The following EBF2 variants were observed in gnomAD, a reference collection of about 807,000 sequenced individuals.
The protein encoded by EBF2 is transcription factor COE2.
In EBF2, 21 loss-of-function variants were observed where a neutral mutation model predicts 72.8. That is an observed-to-expected ratio of 0.29 (90% CI 0.20 to 0.42). The LOEUF (loss-of-function observed/expected upper bound fraction) is 0.42. Ranked by LOEUF, EBF2 falls within the 10% of genes least tolerant of loss-of-function variation. The probability of loss-of-function intolerance (pLI) is 1.00; values close to 1 mark genes in which losing one functional copy is unlikely to be tolerated. For synonymous variants in EBF2, 299 were observed against 274.2 expected (o/e 1.09, Z -0.89); for missense variants, 637 against 731.2 (o/e 0.87, Z 1.49).
At chr8:26,041,336 T>C (rs915562125) in intron 2 of EBF2, 1 of 342,084 alleles carries the variant, frequency 2.9e-6, no homozygotes, top group Non-Finnish European at 5.4e-6. Flanking sequence ...GCTCTGTCTG[T>C]CCTTAGGAAG....
chr8:25,893,271 ATTTTTTT>A (rs201829098), intron 7 of EBF2, among the ~76,000 whole-genome samples: 2 of 111,446 alleles, frequency 1.8e-5, no homozygotes, highest in Non-Finnish European at 1.7e-5. Flanking sequence ...TAATTCTTCC[ATTTTTTT>A]TTTTTTTTTT....
chr8:26,000,769 T>C (rs983780498), intron 6 of EBF2, among the ~76,000 whole-genome samples: 9 of 152,180 alleles, frequency 5.9e-5, no homozygotes, highest in African/African-American at 2.2e-4. Context: ...ATTTGCAAAT[T>C]GTTCTTCCCT....
At chr8:26,001,603 G>T (rs895007954) in intron 6 of EBF2, among the ~76,000 whole-genome samples, 1 of 151,848 alleles carries the variant, frequency 6.6e-6, no homozygotes, top group African/African-American at 2.4e-5. Flanking sequence ...AGGCTGGAGT[G>T]CAATTGTGCG....
intron 5 of EBF2, among the ~76,000 whole-genome samples, chr8:26,039,227 T>C (rs1805559188): frequency 6.6e-6 from 1 of 151,654 alleles, no homozygotes; most frequent in Admixed American, 6.6e-5. Flanking sequence ...TTTTTTAAAC[T>C]TTCTTCTAGT....
intron 6 of EBF2, among the ~76,000 whole-genome samples, chr8:25,995,952 T>G (rs1187986017): frequency 6.6e-6 from 1 of 151,880 alleles, no homozygotes; most frequent in Non-Finnish European, 1.5e-5. Flanking sequence ...TAGCTAGAGA[T>G]TTTAACGTAT....
intron 7 of EBF2, among the ~76,000 whole-genome samples, chr8:25,900,590 T>A (rs1563393965): frequency 6.6e-6 from 1 of 152,154 alleles, no homozygotes; most frequent in Admixed American, 6.5e-5. Flanking sequence ...TTAAAAATGA[T>A]TATTCTGGTG....
At chr8:25,997,431 C>T (rs1804651416) in intron 6 of EBF2, among the ~76,000 whole-genome samples, 3 of 151,908 alleles carry the variant, frequency 2.0e-5, no homozygotes, top group Admixed American at 2.0e-4. Flanking sequence ...ATTAACCAAG[C>T]ATGATGGTGT....
intron 6 of EBF2, among the ~76,000 whole-genome samples, chr8:25,967,441 A>C (rs894813851): frequency 2.0e-5 from 3 of 152,244 alleles, no homozygotes; most frequent in Non-Finnish European, 4.4e-5. Context: ...TTATTACTCT[A>C]AACTACCTTG....
At chr8:25,940,160 G>A (rs781373684) in intron 6 of EBF2, among the ~76,000 whole-genome samples, 5 of 152,190 alleles carry the variant, frequency 3.3e-5, no homozygotes, top group Non-Finnish European at 7.4e-5. Context: ...AGACCTTAAG[G>A]AAAAAGAGAT....
At chr8:25,922,269 A>T (rs1325591878) in intron 6 of EBF2, among the ~76,000 whole-genome samples, 2 of 152,072 alleles carry the variant, frequency 1.3e-5, no homozygotes, top group Non-Finnish European at 2.9e-5. Context: ...AAAACAAACA[A>T]AAAAAACACC....
intron 6 of EBF2, among the ~76,000 whole-genome samples, chr8:26,025,647 G>T (rs1323936385): frequency 6.6e-6 from 1 of 152,028 alleles, no homozygotes; most frequent in African/African-American, 2.4e-5. Context: ...TTACCACTTG[G>T]CTCCAGTGTC....
At chr8:25,939,198 G>T (rs1803628775) in intron 6 of EBF2, among the ~76,000 whole-genome samples, 1 of 152,100 alleles carries the variant, frequency 6.6e-6, no homozygotes, top group Non-Finnish European at 1.5e-5. Flanking sequence ...TCTTTTCTTA[G>T]TTCCTTTCTT....
intron 6 of EBF2, among the ~76,000 whole-genome samples, chr8:25,934,586 ACTG>A (rs199770843): frequency 6.6e-6 from 1 of 152,182 alleles, no homozygotes; most frequent in East Asian, 1.9e-4. Flanking sequence ...AGTCGAGTTT[ACTG>A]CTAATAGAGG....
intron 6 of EBF2, among the ~76,000 whole-genome samples, chr8:25,958,136 T>C (rs1803978447): frequency 6.6e-6 from 1 of 152,138 alleles, no homozygotes; most frequent in Non-Finnish European, 1.5e-5. Context: ...TATTTCTATC[T>C]AAAGAGGAAC....
intron 6 of EBF2, among the ~76,000 whole-genome samples, chr8:25,954,867 G>A (rs943863429): frequency 3.3e-5 from 5 of 152,210 alleles, no homozygotes; most frequent in Non-Finnish European, 7.3e-5. Context: ...TACCATGGCT[G>A]GCTTCCCCGA....
At chr8:26,010,683 T>A (rs906614687) in intron 6 of EBF2, among the ~76,000 whole-genome samples, 2 of 152,166 alleles carry the variant, frequency 1.3e-5, no homozygotes, top group Admixed American at 6.5e-5. Context: ...ACTTACAAAT[T>A]AATTGATTTA....
chr8:25,846,681 C>A (rs1182705182), intron 15 of EBF2, among the ~76,000 whole-genome samples: 1 of 151,988 alleles, frequency 6.6e-6, no homozygotes, highest in Non-Finnish European at 1.5e-5. Context: ...AGAGTGAGAC[C>A]CTGTCTCAAA....
At chr8:25,865,978 T>A (rs533451555) in intron 10 of EBF2, among the ~76,000 whole-genome samples, 1 of 150,890 alleles carries the variant, frequency 6.6e-6, no homozygotes, top group South Asian at 2.1e-4. Flanking sequence ...TGAGCCAAGA[T>A]CACGCCGCTG....
intron 6 of EBF2, among the ~76,000 whole-genome samples, chr8:25,985,537 A>T (rs1169166291): frequency 1.3e-5 from 2 of 152,226 alleles, no homozygotes; most frequent in Non-Finnish European, 2.9e-5. Context: ...TCGGTAAGTC[A>T]CTTAACCTCT....
Sources: allele counts gnomAD v4.1 joint callset (sites outside exome capture counted in the v4.1 genomes callset), GRCh38; gene constraint gnomAD v4.1.1; transcripts MANE v1.5; gene names NCBI Gene and HGNC (gene_info 2026-07-23, HGNC 2026-07-21).